The following DENND2C variants were observed in gnomAD, a reference collection of about 807,000 sequenced individuals.
DENND2C encodes DENN domain-containing protein 2C.
A neutral mutation model predicts 112.4 loss-of-function variants in DENND2C; 72 were observed. The observed-to-expected ratio is 0.64, with a 90% CI of 0.53 to 0.78. The LOEUF is 0.78. DENND2C is among the 30% of genes least tolerant of loss of function. The pLI, the probability that DENND2C is intolerant of heterozygous loss-of-function variation, is 0.00. For synonymous variants in DENND2C, 329 were observed against 381.6 expected, an observed-to-expected ratio of 0.86 and a Z score of 1.61; for missense variants, 992 against 1,113.8, an observed-to-expected ratio of 0.89 and a Z score of 1.56.
intron 1 of DENND2C, among the ~76,000 whole-genome samples, chr1:114,656,239 T>C (rs1361113333): frequency 6.6e-6 from 1 of 151,908 alleles, no homozygotes; most frequent in Admixed American, 6.6e-5. Context: ...TGGCTAATTG[T>C]TTAAAAACTT....
At chr1:114,629,269 A>G (rs1165290027) in intron 3 of DENND2C, among the ~76,000 whole-genome samples, 1 of 151,972 alleles carries the variant, frequency 6.6e-6, no homozygotes, top group Non-Finnish European at 1.5e-5. Flanking sequence ...AAACATAAAA[A>G]CTCAAGCATG....
chr1:114,666,675 G>A (rs765623558), intron 1 of DENND2C, among the ~76,000 whole-genome samples: 5 of 152,080 alleles, frequency 3.3e-5, no homozygotes, highest in Admixed American at 1.3e-4. Flanking sequence ...GGATGCTCCC[G>A]ATCTCCTGAC....
At chr1:114,602,736 T>C (rs1364541600) in intron 11 of DENND2C, among the ~76,000 whole-genome samples, 2 of 152,016 alleles carry the variant, frequency 1.3e-5, no homozygotes, top group Non-Finnish European at 2.9e-5. Context: ...ACTAATCTTT[T>C]AATTTTGTGT....
intron 18 of DENND2C, among the ~76,000 whole-genome samples, chr1:114,591,769 C>T (rs555503256): frequency 6.6e-6 from 1 of 151,696 alleles, no homozygotes; most frequent in Admixed American, 6.6e-5. Flanking sequence ...ACATTTAAGT[C>T]TTTAAATTCA....
intron 7 of DENND2C, among the ~76,000 whole-genome samples, chr1:114,621,368 G>A (rs1656160128): frequency 6.6e-6 from 1 of 152,190 alleles, no homozygotes; most frequent in Non-Finnish European, 1.5e-5. Flanking sequence ...CAGACTTACT[G>A]CCTTTTCTCC....
At chr1:114,610,841 A>T (rs1388813551) in intron 9 of DENND2C, among the ~76,000 whole-genome samples, 1 of 152,170 alleles carries the variant, frequency 6.6e-6, no homozygotes, top group Non-Finnish European at 1.5e-5. Context: ...CATAAGAACC[A>T]TACTGTTTTG....
At chr1:114,611,778 AAC>A (rs6143386) in intron 8 of DENND2C, among the ~76,000 whole-genome samples, 3,348 of 148,324 alleles carry the variant, frequency 0.023, 104 homozygotes, top group African/African-American at 0.061. Flanking sequence ...GAGCACAGGC[AAC>A]ACACACACAC....
Position 114,622,042 on chromosome 1 carries a change from AAGGAACTG to A in DENND2C, c.1072_1079del (p.Gln358SerfsTer38), listed in dbSNP as rs1243270866. ...TCTTTACTTCCATAGTCTTCCGGTG[AAGGAACTG>A]AGGTTTTGGAGGGAGCTAAAACAGG... On this transcript the variant is annotated frameshift_variant, in exon 7 of 21. Transcript: ENST00000393274. LOFTEE classifies it high-confidence loss of function. The A allele has an allele frequency of 1.3e-6, 2 of 1,546,160 alleles. No individual in the cohort carries two copies. The highest frequency in any genetic ancestry group is 1.7e-6 in the Non-Finnish European group (2 of 1,145,528).
At chr1:114,590,872 T>C (rs1225885123) in intron 18 of DENND2C, among the ~76,000 whole-genome samples, 2 of 152,054 alleles carry the variant, frequency 1.3e-5, no homozygotes. Flanking sequence ...CACTGTTGGG[T>C]TGTAGGATAT....
At chr1:114,588,667 T>G (rs1463057518) in intron 18 of DENND2C, 1 of 152,224 alleles carries the variant, frequency 6.6e-6, no homozygotes, top group Non-Finnish European at 1.5e-5. Flanking sequence ...TATGAATCAA[T>G]TAAACAAACA....
intron 3 of DENND2C, among the ~76,000 whole-genome samples, chr1:114,636,585 G>A (rs1413388980): frequency 2.6e-5 from 4 of 152,016 alleles, no homozygotes; most frequent in Non-Finnish European, 5.9e-5. Context: ...ATGGGGGGAG[G>A]ACTGCTTCAG....
At chr1:114,618,582 C>A (rs1656068001) in intron 7 of DENND2C, 100 bp from the exon 8 acceptor site, 1 of 605,752 alleles carries the variant, frequency 1.7e-6, no homozygotes, top group South Asian at 2.9e-5. Context: ...GAGAAAAGAC[C>A]TATTTTATAA....
intron 9 of DENND2C, 122 bp downstream of exon 9, chr1:114,610,951 G>A: frequency 1.8e-6 from 2 of 1,117,912 alleles, no homozygotes; most frequent in Non-Finnish European, 2.6e-6. Flanking sequence ...CTGAAAATAA[G>A]GAAATCATCT....
intron 3 of DENND2C, among the ~76,000 whole-genome samples, chr1:114,640,350 A>C (rs550200255): frequency 6.6e-6 from 1 of 152,336 alleles, no homozygotes; most frequent in South Asian, 2.1e-4. Context: ...CACTAGCCCG[A>C]GAGAAATATA....
intron 18 of DENND2C, among the ~76,000 whole-genome samples, chr1:114,594,151 T>G (rs919769187): frequency 6.6e-6 from 1 of 151,968 alleles, no homozygotes; most frequent in African/African-American, 2.4e-5. Flanking sequence ...ACTAGAGGAA[T>G]GGGTACAATT....
intron 18 of DENND2C, among the ~76,000 whole-genome samples, chr1:114,591,792 T>A (rs1655197269): frequency 6.6e-6 from 1 of 151,474 alleles, no homozygotes; most frequent in Non-Finnish European, 1.5e-5. Context: ...GGAATTAATT[T>A]TCTGTATAGT....
chr1:114,629,501 A>G (rs2101670932), intron 3 of DENND2C, among the ~76,000 whole-genome samples: 1 of 151,990 alleles, frequency 6.6e-6, no homozygotes, highest in South Asian at 2.1e-4. Context: ...CTGGTTTCGA[A>G]CTCCTGACCT....
At chr1:114,590,948 C>T (rs544113486) in intron 18 of DENND2C, among the ~76,000 whole-genome samples, 4 of 152,046 alleles carry the variant, frequency 2.6e-5, no homozygotes, top group African/African-American at 9.6e-5. Context: ...CACATTCTTA[C>T]CAACACTTGA....
rs770948885 is a variant in DENND2C at position 114,595,919 on chromosome 1, G to A, written c.2284-46C>T. The A allele has an allele frequency of 7.1e-6, 11 of 1,538,660 alleles. No homozygotes were observed. The South Asian group carries it at 1.2e-4, about 17-fold the overall frequency. ...GCAAGTTCAACCAGAGACATTCACA[G>A]ACAAATACAGGCAATGAGAATAGTT... On this transcript the variant is annotated intron_variant, in intron 16 of 20. Coordinates refer to ENST00000393274, the MANE Select transcript of DENND2C (RefSeq NM_001256404.2).
Sources: allele counts gnomAD v4.1 joint callset (sites outside exome capture counted in the v4.1 genomes callset), GRCh38; gene constraint gnomAD v4.1.1; transcripts MANE v1.5; gene names NCBI Gene and HGNC (gene_info 2026-07-23, HGNC 2026-07-21).